GPR158: variants seen among roughly 807,000 people sequenced by gnomAD.
GPR158 encodes metabotropic glycine receptor.
In GPR158, 30 loss-of-function variants were observed where a neutral mutation model predicts 78.2. The ratio of observed to expected loss-of-function variants is 0.38; its 90% confidence interval spans 0.29 to 0.52. The LOEUF (loss-of-function observed/expected upper bound fraction) is 0.52. Ranked by LOEUF, GPR158 falls within the 20% of genes least tolerant of loss-of-function variation. GPR158 has a pLI of 0.83. For synonymous variants in GPR158, 581 were observed against 591.1 expected (o/e 0.98, Z 0.25); for missense variants, 1,463 against 1,523.5 (o/e 0.96, Z 0.66).
At chr10:25,299,643 C>T (rs1854563492) in intron 2 of GPR158, among the ~76,000 whole-genome samples, 1 of 152,134 alleles carries the variant, frequency 6.6e-6, no homozygotes, top group Non-Finnish European at 1.5e-5. Flanking sequence ...CATCTTCTGA[C>T]ACTTAGATAA....
At chr10:25,446,784 T>A (rs1404639122) in intron 4 of GPR158, among the ~76,000 whole-genome samples, 1 of 152,332 alleles carries the variant, frequency 6.6e-6, no homozygotes, top group East Asian at 1.9e-4. Context: ...GATTCTGATA[T>A]GAATTGATCT....
intron 1 of GPR158, among the ~76,000 whole-genome samples, chr10:25,214,775 A>T (rs1853183325): frequency 1.3e-5 from 2 of 152,014 alleles, no homozygotes; most frequent in African/African-American, 4.8e-5. Context: ...CATAGAGGGA[A>T]GACCATGTGA....
At chr10:25,597,746 C>A (rs753554768) in intron 10 of GPR158, 26 bp from the exon 11 acceptor site, 3 of 1,482,712 alleles carry the variant, frequency 2.0e-6, no homozygotes, top group African/African-American at 2.8e-5. Context: ...TTCTACACTT[C>A]TTTGAATTTG....
chr10:25,289,796 A>G (rs567143937), intron 2 of GPR158, among the ~76,000 whole-genome samples: 89 of 152,352 alleles, frequency 5.8e-4, no homozygotes, highest in African/African-American at 1.9e-3. Flanking sequence ...CATTGCTTTT[A>G]AGAAACAATG....
chr10:25,350,622 C>T (rs1320971441), intron 2 of GPR158, among the ~76,000 whole-genome samples: 2 of 151,930 alleles, frequency 1.3e-5, no homozygotes, highest in African/African-American at 4.8e-5. Context: ...GAAATTTTCT[C>T]CATAATCATT....
intron 1 of GPR158, among the ~76,000 whole-genome samples, chr10:25,215,726 T>G (rs932438831): frequency 7.5e-4 from 114 of 152,248 alleles, no homozygotes; most frequent in African/African-American, 2.5e-3. Flanking sequence ...TCCCAGCTAC[T>G]CAGGAGGCTG....
intron 6 of GPR158, among the ~76,000 whole-genome samples, chr10:25,570,997 G>A (rs563067037): frequency 1.1e-4 from 17 of 152,238 alleles, no homozygotes; most frequent in African/African-American, 4.1e-4. Flanking sequence ...AGTTATAACA[G>A]TGGGCATAAT....
chr10:25,529,986 G>A (rs1032760072), intron 5 of GPR158, among the ~76,000 whole-genome samples: 2 of 152,042 alleles, frequency 1.3e-5, no homozygotes, highest in African/African-American at 2.4e-5. Context: ...CTGGCCTTTC[G>A]TATCTTACTG....
chr10:25,514,067 T>G (rs990608487), intron 5 of GPR158, among the ~76,000 whole-genome samples: 2 of 152,158 alleles, frequency 1.3e-5, no homozygotes, highest in African/African-American at 4.8e-5. Flanking sequence ...ATCCATTGTT[T>G]CTTTGTTGAC....
intron 4 of GPR158, among the ~76,000 whole-genome samples, chr10:25,425,636 C>T (rs1834810535): frequency 6.7e-6 from 1 of 149,502 alleles, no homozygotes; most frequent in Admixed American, 6.6e-5. Context: ...AAAATCTTCA[C>T]GACCTGTGCT....
intron 2 of GPR158, among the ~76,000 whole-genome samples, chr10:25,287,191 C>T (rs1233924925): frequency 1.3e-5 from 2 of 151,756 alleles, no homozygotes; most frequent in Non-Finnish European, 2.9e-5. Context: ...TTTTCCCTAG[C>T]TTCTGTTGAT....
intron 5 of GPR158, among the ~76,000 whole-genome samples, chr10:25,473,180 G>T (rs1016827940): frequency 1.3e-5 from 2 of 150,786 alleles, no homozygotes; most frequent in African/African-American, 4.9e-5. Flanking sequence ...GTTGAATTTT[G>T]TCAAAGGCCT....
At chr10:25,380,458 A>G (rs1372694777) in intron 2 of GPR158, among the ~76,000 whole-genome samples, 1 of 152,160 alleles carries the variant, frequency 6.6e-6, no homozygotes, top group African/African-American at 2.4e-5. Flanking sequence ...ATATTTATGT[A>G]TATAATGCAG....
chr10:25,567,552 A>T (rs1426847404), intron 6 of GPR158, among the ~76,000 whole-genome samples: 1 of 151,996 alleles, frequency 6.6e-6, no homozygotes, highest in African/African-American at 2.4e-5. Flanking sequence ...CATGAAGGAG[A>T]TGTAGGATTT....
chr10:25,352,763 G>T (rs1855493017), intron 2 of GPR158, among the ~76,000 whole-genome samples: 1 of 151,958 alleles, frequency 6.6e-6, no homozygotes, highest in Non-Finnish European at 1.5e-5. Context: ...ATTTAATTTT[G>T]TTTGTTGGTA....
At chr10:25,404,185 T>C (rs2130539226) in intron 3 of GPR158, among the ~76,000 whole-genome samples, 1 of 152,250 alleles carries the variant, frequency 6.6e-6, no homozygotes, top group Non-Finnish European at 1.5e-5. Flanking sequence ...AAAAGCTCTG[T>C]GTTTAACTTT....
chr10:25,331,886 ATGAAT>A, intron 2 of GPR158, among the ~76,000 whole-genome samples: 1 of 152,340 alleles, frequency 6.6e-6, no homozygotes, highest in East Asian at 1.9e-4. Context: ...AAGACTGGTA[ATGAAT>A]TGATAATTTT....
rs1434385844 is a variant in GPR158, at chr10:25,475,903, TTTC to T, written c.1404+9190_1404+9192del. 1.7e-4 allele frequency: 26 copies of T among 152,288 alleles called. No individual in the cohort carries two copies. The East Asian group carries it at 3.7e-3, about 21-fold the overall frequency. 9.4% of individuals were successfully genotyped at this position (152,288 alleles called of 1,614,324 possible). A position where few individuals can be genotyped will look rare whatever the true frequency, so the allele number is the denominator to read the frequency against. ...TTCTTCTGAGTTATGCAATGAGCCT[TTTC>T]TTCTTTATATGCTGCATATTGTTGT... On this transcript the variant is annotated intron_variant, in intron 5 of 10. Transcript: ENST00000376351.
At chr10:25,570,308 A>C (rs1836987501) in intron 6 of GPR158, among the ~76,000 whole-genome samples, 1 of 152,246 alleles carries the variant, frequency 6.6e-6, no homozygotes, top group African/African-American at 2.4e-5. Context: ...AAAGTAGAAA[A>C]GCATTTAAAA....
Sources: gnomAD v4.1 joint callset for allele counts (sites outside exome capture counted in the v4.1 genomes callset) on GRCh38, gnomAD v4.1.1 for gene constraint, MANE v1.5 for transcripts, NCBI Gene and HGNC (gene_info 2026-07-23, HGNC 2026-07-21) for gene names.